ROBO2: variants seen among roughly 807,000 people sequenced by gnomAD.
ROBO2 encodes roundabout homolog 2.
ROBO2 carries 53 observed loss-of-function variants against 160.8 expected under a neutral mutation model. The observed-to-expected ratio is 0.33, with a 90% CI of 0.26 to 0.41. The LOEUF is 0.41. ROBO2 is among the 10% of genes least tolerant of loss of function. The pLI is 1.00. For missense variants in ROBO2, 1,577 were observed against 1,722.4 expected, an observed-to-expected ratio of 0.92 and a Z score of 1.49; for synonymous variants, 664 against 611.7, an observed-to-expected ratio of 1.09 and a Z score of -1.26.
Position 76,975,484 on chromosome 3 carries a change from G to A in ROBO2, c.110-122530G>A, listed in dbSNP as rs556379334. On this transcript the variant is annotated intron_variant, in intron 2 of 26. Coordinates refer to the ROBO2 transcript ENST00000487694. ...CGCGCCATTGCACTCCAGTCTGGGC[G>A]ACAGAGGGAGACTGCGACTGTGTCT... 1.1e-4 allele frequency among the ~76,000 whole-genome samples: 16 copies of A among 152,192 alleles called. No homozygotes were observed. In the South Asian group the frequency reaches 3.3e-3, roughly 32 times the overall value.
intron 2 of ROBO2, among the ~76,000 whole-genome samples, chr3:76,150,880 T>A (rs999513125): frequency 6.6e-6 from 1 of 152,148 alleles, no homozygotes; most frequent in Non-Finnish European, 1.5e-5. Flanking sequence ...TTGTGATAGA[T>A]GACCAAAAAA....
intron 2 of ROBO2, among the ~76,000 whole-genome samples, chr3:77,256,625 T>C (rs2058432732): frequency 6.6e-6 from 1 of 152,194 alleles, no homozygotes; most frequent in Non-Finnish European, 1.5e-5. Flanking sequence ...TAAGCATTAG[T>C]ACAAAAAACT....
intron 2 of ROBO2, among the ~76,000 whole-genome samples, chr3:76,511,830 G>A (rs1214182765): frequency 6.6e-6 from 1 of 152,202 alleles, no homozygotes; most frequent in Non-Finnish European, 1.5e-5. Context: ...TACCTTCGGA[G>A]CCCATCAGTA....
intron 2 of ROBO2, among the ~76,000 whole-genome samples, chr3:76,576,701 C>CTTTTT (rs56404865): frequency 0.011 from 689 of 62,412 alleles, 11 homozygotes; most frequent in Non-Finnish European, 0.012. Flanking sequence ...CATTTTCTTT[C>CTTTTT]TTTTTTTTTT....
intron 2 of ROBO2, among the ~76,000 whole-genome samples, chr3:76,977,326 G>A (rs1271061278): frequency 6.6e-6 from 1 of 152,146 alleles, no homozygotes; most frequent in Non-Finnish European, 1.5e-5. Context: ...GTGAACACTT[G>A]TGATTTCTGA....
At chr3:76,151,880 A>G (rs907787368) in intron 2 of ROBO2, among the ~76,000 whole-genome samples, 2 of 152,174 alleles carry the variant, frequency 1.3e-5, no homozygotes, top group Non-Finnish European at 2.9e-5. Flanking sequence ...TCTCATTTTG[A>G]TAATTTATTT....
intron 23 of ROBO2, among the ~76,000 whole-genome samples, chr3:77,628,323 CG>C (rs1347774917): frequency 4.6e-5 from 7 of 151,760 alleles, no homozygotes; most frequent in Non-Finnish European, 8.8e-5. Flanking sequence ...TTTTAATTTT[CG>C]TGTTTATACT....
At chr3:76,262,464 A>G (rs1199225118) in intron 2 of ROBO2, among the ~76,000 whole-genome samples, 1 of 152,108 alleles carries the variant, frequency 6.6e-6, no homozygotes, top group Non-Finnish European at 1.5e-5. Context: ...CATAAAATGG[A>G]AAAGGTTGTT....
rs140003269 is a variant in ROBO2 at position 76,434,477 on chromosome 3, G to A, written c.109+496875G>A. Reference sequence around the variant, plus strand: ...TTATGTGAAAGAAATGAATGATGCTGCCATGTTTTATACAAACCGAGTCCT... The same window carrying A: ...TTATGTGAAAGAAATGAATGATGCTACCATGTTTTATACAAACCGAGTCCT... On this transcript the variant is annotated intron_variant, in intron 2 of 26. Transcript: ENST00000487694. 4.5e-6 allele frequency: 7 copies of A among 1,550,334 alleles called. No individual in the cohort carries two copies. The African/African-American group carries it at 9.5e-5, about 21-fold the overall frequency.
chr3:76,959,597 C>T (rs891059512), intron 2 of ROBO2, among the ~76,000 whole-genome samples: 2 of 152,126 alleles, frequency 1.3e-5, no homozygotes, highest in African/African-American at 4.8e-5. Context: ...TACACATTTT[C>T]AAGGATGCTA....
At chr3:77,132,795 AAAAT>A (rs1480076580) in intron 2 of ROBO2, among the ~76,000 whole-genome samples, 31 of 152,284 alleles carry the variant, frequency 2.0e-4, no homozygotes, top group African/African-American at 7.5e-4. Flanking sequence ...CTAAAGATGA[AAAAT>A]AATTCATGTA....
In ROBO2 at chr3:76,767,012, C is replaced by A. The variant is rs1200501996; in HGVS notation, c.110-331002C>A. Among the ~76,000 whole-genome samples the A allele has an allele frequency of 4.6e-5, 7 of 151,496 alleles. No homozygotes were observed. In the East Asian group the frequency reaches 7.9e-4, roughly 17 times the overall value. On this transcript the variant is annotated intron_variant, in intron 2 of 26. Coordinates refer to the ROBO2 transcript ENST00000487694. The stretch of plus-strand genomic sequence containing the variant: ...TATAAAGTTCACAAGGAGATTAATA[C>A]ATTAATACATAGACAAAAATGAATT...
chr3:77,554,459 G>C (rs1047392697), intron 8 of ROBO2, among the ~76,000 whole-genome samples: 1 of 151,922 alleles, frequency 6.6e-6, no homozygotes, highest in African/African-American at 2.4e-5. Context: ...AGCTGCTGTA[G>C]ACAGTAATTC....
At chr3:76,888,012 T>G (rs1439109166) in intron 2 of ROBO2, among the ~76,000 whole-genome samples, 2 of 152,244 alleles carry the variant, frequency 1.3e-5, no homozygotes, top group Admixed American at 6.5e-5. Flanking sequence ...ACATTCGAAT[T>G]AAGTTAAAAT....
intron 2 of ROBO2, among the ~76,000 whole-genome samples, chr3:76,999,372 C>T (rs1279799778): frequency 6.6e-6 from 1 of 151,950 alleles, no homozygotes; most frequent in Non-Finnish European, 1.5e-5. Flanking sequence ...CTGGGGTTAC[C>T]TATAAATCCC....
Position 77,222,689 on chromosome 3 carries a change from G to A in ROBO2, c.388+124349G>A, listed in dbSNP as rs1229361271. On this transcript the variant is annotated intron_variant, in intron 2 of 25. Transcript: ENST00000461745. ...TTACTATAAAACTTTTCTTTAATGTGTTTAAAGCATTTCTTTTTCACTTAA... is the reference window on the plus strand; with the variant it reads ...TTACTATAAAACTTTTCTTTAATGTATTTAAAGCATTTCTTTTTCACTTAA... Among the ~76,000 whole-genome samples, 57 of 152,106 alleles carry A rather than the reference G, an allele frequency of 3.7e-4. 1 individual carries two copies. Among genetic ancestry groups the A allele is most frequent in the Admixed American group, 3.7e-3 (57 of 15,270 alleles).
intron 2 of ROBO2, among the ~76,000 whole-genome samples, chr3:76,805,960 C>T (rs986528226): frequency 6.6e-6 from 1 of 151,888 alleles, no homozygotes; most frequent in Admixed American, 6.6e-5. Context: ...ACTAAGATTA[C>T]ATCTAGTCTT....
At chr3:77,258,014 C>T (rs938742551) in intron 2 of ROBO2, among the ~76,000 whole-genome samples, 1 of 152,186 alleles carries the variant, frequency 6.6e-6, no homozygotes, top group Non-Finnish European at 1.5e-5. Context: ...TTACATTAAA[C>T]TCTGCTATAC....
At chr3:76,739,845 T>C (rs1222607939) in intron 2 of ROBO2, among the ~76,000 whole-genome samples, 2 of 152,198 alleles carry the variant, frequency 1.3e-5, no homozygotes, top group Admixed American at 1.3e-4. Flanking sequence ...ACATAAAGCA[T>C]CCTCCTAATT....
Sources: allele counts gnomAD v4.1 joint callset (sites outside exome capture counted in the v4.1 genomes callset), GRCh38; gene constraint gnomAD v4.1.1; transcripts MANE v1.5; gene names NCBI Gene and HGNC (gene_info 2026-07-23, HGNC 2026-07-21).